The following PRKN variants were observed in gnomAD, a reference collection of about 807,000 sequenced individuals.
PRKN encodes E3 ubiquitin-protein ligase parkin.
Under a neutral mutation model 59.5 loss-of-function variants are expected in PRKN, and 56 were observed. The observed-to-expected ratio is 0.94, with a 90% CI of 0.76 to 1.18. The LOEUF (loss-of-function observed/expected upper bound fraction) is 1.18. PRKN is among the 50% of genes most tolerant of loss of function. The probability of loss-of-function intolerance (pLI) is 0.00; values close to 1 mark genes in which losing one functional copy is unlikely to be tolerated. For missense variants in PRKN, 657 were observed against 596.4 expected (o/e 1.10, Z -1.06); for synonymous variants, 250 against 222.1 (o/e 1.13, Z -1.12).
At chr6:161,563,531 T>C (rs1171132319) in intron 8 of PRKN, among the ~76,000 whole-genome samples, 1 of 152,166 alleles carries the variant, frequency 6.6e-6, no homozygotes, top group East Asian at 1.9e-4. Context: ...GAATTTGGAC[T>C]AGGGGGAAGG....
chr6:162,145,206 C>A (rs1583099754), intron 4 of PRKN, among the ~76,000 whole-genome samples: 1 of 152,182 alleles, frequency 6.6e-6, no homozygotes, highest in East Asian at 1.9e-4. Flanking sequence ...CCACTTTTCT[C>A]AGCTTTGAAT....
At chr6:162,020,875 C>T (rs928461992) in intron 5 of PRKN, among the ~76,000 whole-genome samples, 2 of 151,644 alleles carry the variant, frequency 1.3e-5, no homozygotes, top group African/African-American at 4.8e-5. Context: ...GAAGCCAAGG[C>T]GGGCAGACTG....
chr6:161,986,792 A>AG (rs11438869), intron 5 of PRKN, among the ~76,000 whole-genome samples: 78,798 of 151,804 alleles, frequency 0.52, 20,697 homozygotes, highest in Middle Eastern at 0.59. Flanking sequence ...GAACAGCCAG[A>AG]CCTGAGAAAT....
chr6:161,937,928 G>T (rs574973448), intron 6 of PRKN, among the ~76,000 whole-genome samples: 61 of 152,178 alleles, frequency 4.0e-4, no homozygotes, highest in Admixed American at 2.3e-3. Flanking sequence ...TGACACTCCA[G>T]ATTTCATACA....
At chr6:161,977,604 T>G (rs1781094713) in intron 5 of PRKN, among the ~76,000 whole-genome samples, 1 of 146,952 alleles carries the variant, frequency 6.8e-6, no homozygotes, top group Admixed American at 7.1e-5. Flanking sequence ...TGGAGCGCAG[T>G]GGCACGATCT....
In PRKN at chr6:161,456,857, T is replaced by C. The variant is rs967810563; in HGVS notation, c.1084-69980A>G. 6.6e-6 allele frequency among the ~76,000 whole-genome samples: 1 copy of C among 152,258 alleles called. No homozygotes were observed. Among genetic ancestry groups the C allele is most frequent in the East Asian group, 1.9e-4 (1 of 5,158 alleles). ...TTCCTCAGGAGAAGAGATGGTCTCA[T>C]TGCTCAGGGAACCTTTTCTCCTAGG... is the stretch of plus-strand genomic sequence containing the variant. On this transcript the variant is annotated intron_variant, in intron 9 of 11. Coordinates refer to ENST00000366898, the MANE Select transcript of PRKN (RefSeq NM_004562.3). The surrounding 1 kb of genome is among the most constrained non-coding windows in gnomAD (Gnocchi z 4.8).
At position 162,437,508 on chromosome 6, in the gene PRKN, C is replaced by T. The variant is rs189050616; in HGVS notation, c.171+5802G>A. ...TATAATTGTACTATAAGCATTGTTA[C>T]AGTCAGCACAGAGGACGGCCGTCAC... On this transcript the variant is annotated intron_variant, in intron 2 of 11. Coordinates refer to ENST00000366898, the MANE Select transcript of PRKN (RefSeq NM_004562.3). Among the ~76,000 whole-genome samples, 425 of 152,248 alleles carry T rather than the reference C, an allele frequency of 2.8e-3. 2 individuals are homozygous for T. Among genetic ancestry groups the T allele is most frequent in the African/African-American group, 9.8e-3 (407 of 41,540 alleles).
At chr6:162,221,628 T>C (rs117505638) in intron 3 of PRKN, among the ~76,000 whole-genome samples, 3 of 152,118 alleles carry the variant, frequency 2.0e-5, no homozygotes, top group East Asian at 1.9e-4. Flanking sequence ...AAGCCAAAAT[T>C]TGACATAGAC....
rs139391774 is a variant in PRKN, at chr6:162,286,908, A to G, written c.172-24143T>C. ...TATCACTGGATTTGCATCCAGGTTC[A>G]TCTTGTAAAACCACGTTGAACTGCT... On this transcript the variant is annotated intron_variant, in intron 2 of 11. Coordinates refer to ENST00000366898, the MANE Select transcript of PRKN (RefSeq NM_004562.3). 1.4e-4 allele frequency among the ~76,000 whole-genome samples: 21 copies of G among 152,340 alleles called. No individual in the cohort carries two copies. In the East Asian group the frequency reaches 3.9e-3, roughly 28 times the overall value.
intron 7 of PRKN, among the ~76,000 whole-genome samples, chr6:161,691,261 G>C (rs186089728): frequency 6.6e-6 from 1 of 152,268 alleles, no homozygotes; most frequent in East Asian, 1.9e-4. Flanking sequence ...CTCACTTCCT[G>C]AGTTCAGTGC....
chr6:161,825,353 AAAG>A (rs35950948), intron 6 of PRKN, among the ~76,000 whole-genome samples: 47,184 of 151,884 alleles, frequency 0.31, 7,768 homozygotes, highest in Middle Eastern at 0.37. Flanking sequence ...TCTGTTTCTT[AAAG>A]AAGGTCTCCC....
At chr6:162,163,874 G>T (rs370446330) in intron 4 of PRKN, among the ~76,000 whole-genome samples, 1 of 149,318 alleles carries the variant, frequency 6.7e-6, no homozygotes, top group African/African-American at 2.5e-5. Context: ...ACGTTCACCT[G>T]CTCTGCAGCT....
chr6:161,929,657 G>A (rs900647236), intron 6 of PRKN, among the ~76,000 whole-genome samples: 1 of 150,908 alleles, frequency 6.6e-6, no homozygotes, highest in Non-Finnish European at 1.5e-5. Flanking sequence ...CCAAGTAGCT[G>A]GGTTTACAGG....
chr6:162,238,171 ATGTGTATATGG>A (rs1778824450), intron 3 of PRKN, among the ~76,000 whole-genome samples: 1 of 152,196 alleles, frequency 6.6e-6, no homozygotes, highest in African/African-American at 2.4e-5. Flanking sequence ...CAATCATGGC[ATGTGTATATGG>A]TGGTATTTTG....
chr6:161,371,196 C>T lies in PRKN; in HGVS notation c.1168-10991G>A, dbSNP rs1785430477. On this transcript the variant is annotated intron_variant, in intron 10 of 11. Transcript: ENST00000366898. The surrounding 1 kb of genome is among the most constrained non-coding windows in gnomAD (Gnocchi z 5.5). ...TTTTTTTTTTTGAGACGTTGTTTCG[C>T]TCCTGTTGCCCAGGCTGGAGTGCAA... Among the ~76,000 whole-genome samples the T allele has an allele frequency of 6.6e-6, 1 of 151,530 alleles. No homozygotes were observed. The highest frequency in any genetic ancestry group is 1.5e-5 in the Non-Finnish European group (1 of 67,952).
At chr6:162,068,631 T>C (rs908642582) in intron 4 of PRKN, among the ~76,000 whole-genome samples, 3 of 152,228 alleles carry the variant, frequency 2.0e-5, no homozygotes, top group Non-Finnish European at 4.4e-5. Flanking sequence ...GTGAGCTTCC[T>C]CACCTTGGCA....
At chr6:161,829,251 CA>C (rs1004459484) in intron 6 of PRKN, among the ~76,000 whole-genome samples, 5 of 151,718 alleles carry the variant, frequency 3.3e-5, no homozygotes, top group African/African-American at 4.8e-5. Context: ...AAAACAAAAA[CA>C]AAAAAAACAA....
rs1582995994 is a variant in PRKN at position 161,379,738 on chromosome 6, G to A, written c.1167+7056C>T. On this transcript the variant is annotated intron_variant, in intron 10 of 11. Transcript: ENST00000366898. This position sits in a 1 kb window ranked among gnomAD's most constrained non-coding sequence, Gnocchi z 4.9. ...CTCAGAAGGCTCATCCAGCTCCAGAGCTCCTTCTAGGACCTGCTGTGGCAA... is the reference window on the plus strand; with the variant it reads ...CTCAGAAGGCTCATCCAGCTCCAGAACTCCTTCTAGGACCTGCTGTGGCAA... Among the ~76,000 whole-genome samples, 1 of 152,316 alleles carries A rather than the reference G, an allele frequency of 6.6e-6. No individual in the cohort carries two copies. The highest frequency in any genetic ancestry group is 6.5e-5 in the Admixed American group (1 of 15,300).
At chr6:161,643,512 C>T (rs1001010811) in intron 7 of PRKN, among the ~76,000 whole-genome samples, 11 of 152,170 alleles carry the variant, frequency 7.2e-5, no homozygotes, top group African/African-American at 2.7e-4. Context: ...ATAATATATT[C>T]TAAATGGACA....
Sources: allele counts gnomAD v4.1 joint callset (sites outside exome capture counted in the v4.1 genomes callset), GRCh38; gene constraint gnomAD v4.1.1; non-coding constraint Gnocchi (gnomAD v3.1); transcripts MANE v1.5; gene names NCBI Gene and HGNC (gene_info 2026-07-23, HGNC 2026-07-21).